The following USP22 variants were observed in gnomAD, a reference collection of about 807,000 sequenced individuals.
USP22 encodes ubiquitin carboxyl-terminal hydrolase 22.
USP22 carries 22 observed loss-of-function variants against 68.1 expected under a neutral mutation model. The observed-to-expected ratio is 0.32, with a 90% CI of 0.23 to 0.46. The LOEUF (loss-of-function observed/expected upper bound fraction) is 0.46. USP22 is among the 20% of genes least tolerant of loss of function. USP22 has a pLI of 1.00. For synonymous variants in USP22, 279 were observed against 274.2 expected (o/e 1.02, Z -0.17); for missense variants, 433 against 695.8 (o/e 0.62, Z 4.25).
intron 12 of USP22, among the ~76,000 whole-genome samples, chr17:21,003,359 C>T (rs556708926): frequency 6.6e-6 from 1 of 152,342 alleles, no homozygotes; most frequent in South Asian, 2.1e-4. Context: ...GACAGCCCCA[C>T]CCTTGTGCAG....
chr17:21,009,243 C>A (rs547105969), intron 8 of USP22, among the ~76,000 whole-genome samples: 1 of 152,146 alleles, frequency 6.6e-6, no homozygotes, highest in East Asian at 1.9e-4. Flanking sequence ...GATGATTCAA[C>A]AAAGCACACG....
At chr17:21,039,852 G>GAGTACAGT (rs1377086732) in intron 1 of USP22, among the ~76,000 whole-genome samples, 3 of 152,182 alleles carry the variant, frequency 2.0e-5, no homozygotes, top group African/African-American at 7.2e-5. Context: ...GTCCAGGCTG[G>GAGTACAGT]AGTACAGTGG....
In USP22 at chr17:21,022,118, T is replaced by TA. The variant is rs145358241; in HGVS notation, c.305-893dup. Among the ~76,000 whole-genome samples, 1,042 of 151,936 alleles carry TA rather than the reference T, an allele frequency of 6.9e-3. 13 individuals carry two copies. Among genetic ancestry groups the TA allele is most frequent in the Admixed American group, 0.011 (163 of 15,258 alleles). The stretch of plus-strand genomic sequence containing the variant: ...CTGTCTCAAAAAATAAAAATAAAAA[T>TA]AAAAAAATTATAGTAATACTAGTAT... On this transcript the variant is annotated intron_variant, in intron 2 of 12. Coordinates refer to ENST00000261497, the MANE Select transcript of USP22 (RefSeq NM_015276.2).
At chr17:21,023,274 A>G (rs1386287851) in intron 2 of USP22, among the ~76,000 whole-genome samples, 1 of 152,228 alleles carries the variant, frequency 6.6e-6, no homozygotes, top group African/African-American at 2.4e-5. Context: ...TAAACTGTAC[A>G]CCAAACCACT....
At position 21,012,490 on chromosome 17, in the gene USP22, T is replaced by C. The variant is rs149926892; in HGVS notation, c.944+340A>G. Among the ~76,000 whole-genome samples the C allele has an allele frequency of 2.1e-3, 319 of 152,222 alleles. 1 individual carries two copies. Among genetic ancestry groups the C allele is most frequent in the Non-Finnish European group, 3.5e-3 (236 of 68,006 alleles). ...ACGTAGAAAAACAATCCACCATGCATGATCCACGCCTTCTTGAAGAGGGCT... is the reference window on the plus strand; with the variant it reads ...ACGTAGAAAAACAATCCACCATGCACGATCCACGCCTTCTTGAAGAGGGCT... On this transcript the variant is annotated intron_variant, in intron 7 of 12. Transcript: ENST00000261497.
intron 2 of USP22, 135 bp from the exon 3 acceptor site, chr17:21,021,361 AGC>A: frequency 4.7e-6 from 3 of 643,694 alleles, no homozygotes; most frequent in Non-Finnish European, 8.4e-6. Flanking sequence ...CAAGCAGGGA[AGC>A]CAGTCCAGCG....
intron 1 of USP22, among the ~76,000 whole-genome samples, chr17:21,033,731 CA>C (rs376961760): frequency 1.1e-4 from 17 of 151,226 alleles, no homozygotes; most frequent in African/African-American, 3.9e-4. Context: ...CAAACACTGA[CA>C]TAAGTGAAGG....
intron 2 of USP22, among the ~76,000 whole-genome samples, chr17:21,025,575 C>T (rs1252535109): frequency 6.6e-6 from 1 of 152,166 alleles, no homozygotes; most frequent in Admixed American, 6.5e-5. Flanking sequence ...TTCCTAAGCA[C>T]CAAGACGATG....
intron 2 of USP22, among the ~76,000 whole-genome samples, chr17:21,023,378 C>T (rs945802681): frequency 5.9e-5 from 9 of 152,036 alleles, no homozygotes; most frequent in African/African-American, 1.9e-4. Flanking sequence ...AGAAACCCGG[C>T]GTGGTGGCTC....
chr17:21,038,640 C>G (rs1281270103), intron 1 of USP22, among the ~76,000 whole-genome samples: 5 of 150,736 alleles, frequency 3.3e-5, no homozygotes, highest in African/African-American at 7.3e-5. Flanking sequence ...TGCACTCCAG[C>G]CTGAGTGAGA....
intron 2 of USP22, among the ~76,000 whole-genome samples, chr17:21,027,902 A>T (rs375728603): frequency 9.2e-5 from 14 of 152,266 alleles, no homozygotes; most frequent in African/African-American, 2.9e-4. Context: ...CAGGAAGCAG[A>T]GGTTGCAGTG....
intron 5 of USP22, among the ~76,000 whole-genome samples, chr17:21,016,194 T>C (rs1477196344): frequency 6.6e-6 from 1 of 152,190 alleles, no homozygotes; most frequent in Non-Finnish European, 1.5e-5. Context: ...AGTGACTCGA[T>C]TTGCCCAATA....
At chr17:21,043,056 T>C (rs769887377), upstream of USP22, 6 of 213,616 alleles carry the variant, frequency 2.8e-5, no homozygotes, top group Non-Finnish European at 9.1e-6. Context: ...CCGCCTGCGC[T>C]GCGCTCTCGC....
chr17:21,041,737 A>T (rs1482511996), intron 1 of USP22, among the ~76,000 whole-genome samples: 2 of 152,276 alleles, frequency 1.3e-5, no homozygotes, highest in Non-Finnish European at 2.9e-5. Context: ...TGTAATCTAC[A>T]AAAGCGCGTG....
intron 2 of USP22, among the ~76,000 whole-genome samples, chr17:21,027,069 C>T (rs1174155196): frequency 1.3e-5 from 2 of 151,812 alleles, no homozygotes; most frequent in African/African-American, 4.8e-5. Flanking sequence ...GCTGGGATTA[C>T]AGACATGAGC....
chr17:21,029,736 A>G (rs898792418), intron 1 of USP22, among the ~76,000 whole-genome samples: 2 of 152,354 alleles, frequency 1.3e-5, no homozygotes, highest in East Asian at 3.9e-4. Flanking sequence ...GACACATGCT[A>G]CAGTGCAGAC....
intron 6 of USP22, among the ~76,000 whole-genome samples, chr17:21,014,159 G>A (rs1914059517): frequency 6.6e-6 from 1 of 152,262 alleles, no homozygotes; most frequent in African/African-American, 2.4e-5. Context: ...AGGCCATGTG[G>A]CCAGGCCACC....
intron 4 of USP22, among the ~76,000 whole-genome samples, chr17:21,018,879 T>C (rs1309323317): frequency 6.6e-6 from 1 of 152,208 alleles, no homozygotes; most frequent in Non-Finnish European, 1.5e-5. Flanking sequence ...GGCAGGGCTG[T>C]TGCTACGCAT....
chr17:21,017,927 G>C lies in USP22; in HGVS notation c.690+15C>G. On this transcript the variant is annotated intron_variant, in intron 5 of 12. Coordinates refer to ENST00000261497, the MANE Select transcript of USP22 (RefSeq NM_015276.2). Reference sequence around the variant, plus strand: ...GTAACAGAAATGTTCCCCTGCAGAAGTCAATGGCGCTCACCTCCTGAAACA... The same window carrying C: ...GTAACAGAAATGTTCCCCTGCAGAACTCAATGGCGCTCACCTCCTGAAACA... The C allele has an allele frequency of 6.2e-7, 1 of 1,612,976 alleles. No individual in the cohort carries two copies. The highest frequency in any genetic ancestry group is 1.1e-5 in the South Asian group (1 of 90,800).
Sources: gnomAD v4.1 joint callset for allele counts (sites outside exome capture counted in the v4.1 genomes callset) on GRCh38, gnomAD v4.1.1 for gene constraint, MANE v1.5 for transcripts, NCBI Gene and HGNC (gene_info 2026-07-23, HGNC 2026-07-21) for gene names.